PRODH2: variants seen among roughly 807,000 people sequenced by gnomAD.
PRODH2 encodes hydroxyproline dehydrogenase.
A neutral mutation model predicts 51.9 loss-of-function variants in PRODH2; 49 were observed. The ratio of observed to expected loss-of-function variants is 0.94; its 90% CI spans 0.75 to 1.20. The LOEUF is 1.20. Ranked by LOEUF, PRODH2 falls within the 50% of genes most tolerant of loss-of-function variation. The pLI, the probability that PRODH2 is intolerant of heterozygous loss-of-function variation, is 0.00. For synonymous variants in PRODH2, 249 were observed against 260.7 expected (o/e 0.96, Z 0.43); for missense variants, 597 against 610.9 (o/e 0.98, Z 0.24).
In PRODH2 at chr19:35,812,762, G is replaced by C. The variant is rs3848666; in HGVS notation, c.44C>G (p.Pro15Arg). 234,377 of 1,607,520 alleles carry C rather than the reference G, an allele frequency of 0.15. 19,207 individuals are homozygous for C. Among genetic ancestry groups the C allele is most frequent in the Non-Finnish European group, 0.17 (200,090 of 1,175,668 alleles). Reference protein sequence around the residue: ...CYVLCSQAGPPSRGWQSLSFD... With the variant: ...CYVLCSQAGPRSRGWQSLSFD... Reference sequence around the variant, plus strand: ...GCTCAGGGACTGCCAGCCCCTGGAGGGGGGACCAGCTTGGGAACAGAGCAC... The same window carrying C: ...GCTCAGGGACTGCCAGCCCCTGGAGCGGGGACCAGCTTGGGAACAGAGCAC... The change falls in exon 1 of 10, where the codon CCC (proline) becomes CGC (arginine). Residue 15 changes from proline (P) to arginine (R), a missense_variant. Transcript: ENST00000653904.
chr19:35,803,230 C>T (rs921795883), intron 7 of PRODH2, 152 bp from the exon 8 acceptor site: 3 of 446,438 alleles, frequency 6.7e-6, no homozygotes, highest in Non-Finnish European at 1.2e-5. Context: ...CTCTGAGCCA[C>T]TTTCATCTTC....
chr19:35,801,122 G>A (rs571335923), intron 9 of PRODH2, among the ~76,000 whole-genome samples: 1 of 152,026 alleles, frequency 6.6e-6, no homozygotes, highest in African/African-American at 2.4e-5. Flanking sequence ...AGCTGAGATC[G>A]TGCCACTGCA....
intron 4 of PRODH2, among the ~76,000 whole-genome samples, chr19:35,808,450 G>C (rs1972547946): frequency 6.6e-6 from 1 of 152,156 alleles, no homozygotes; most frequent in Admixed American, 6.5e-5. Flanking sequence ...TCCGCATGGT[G>C]GGGAGAATGC....
At chr19:35,811,470 A>AGGGAGGGAGGGG (rs1972609186) in intron 4 of PRODH2, among the ~76,000 whole-genome samples, 1 of 78,272 alleles carries the variant, frequency 1.3e-5, no homozygotes, top group African/African-American at 5.2e-5. Context: ...GGAGGGAGGG[A>AGGGAGGGAGGGG]GGGAGGGGAG....
At chr19:35,803,625 T>C (rs1413323531) in intron 7 of PRODH2, among the ~76,000 whole-genome samples, 2 of 152,194 alleles carry the variant, frequency 1.3e-5, no homozygotes, top group African/African-American at 4.8e-5. Flanking sequence ...ATAAGGGGGA[T>C]ATGAAGTCTT....
intron 4 of PRODH2, among the ~76,000 whole-genome samples, chr19:35,811,718 C>G (rs1972614068): frequency 6.6e-6 from 1 of 152,184 alleles, no homozygotes; most frequent in African/African-American, 2.4e-5. Flanking sequence ...GTACCTCCTT[C>G]TAATTGATAA....
At chr19:35,810,473 T>C (rs1474421215) in intron 4 of PRODH2, among the ~76,000 whole-genome samples, 2 of 151,110 alleles carry the variant, frequency 1.3e-5, no homozygotes, top group Non-Finnish European at 2.9e-5. Flanking sequence ...GGGCCGGGCA[T>C]GGTGGCTCAG....
At chr19:35,802,118 A>G (rs755281401) in intron 9 of PRODH2, 73 bp downstream of exon 9, 242 of 1,413,878 alleles carry the variant, frequency 1.7e-4, no homozygotes, top group Non-Finnish European at 2.2e-4. Context: ...CTTGGTTGGG[A>G]ATAGGAGAAG....
intron 5 of PRODH2, 70 bp downstream of exon 5, chr19:35,806,971 G>T (rs957707025): frequency 1.3e-5 from 20 of 1,544,868 alleles, no homozygotes; most frequent in Non-Finnish European, 1.4e-5. Flanking sequence ...AGCAGGAGGG[G>T]TTACCTGTGC....
In PRODH2 at chr19:35,806,486, G is replaced by C. The variant is rs1249740403; in HGVS notation, c.945C>G (p.Ala315=). The C allele has an allele frequency of 1.2e-6, 2 of 1,614,076 alleles. No homozygotes were observed. Among genetic ancestry groups the C allele is most frequent in the South Asian group, 2.2e-5 (2 of 91,080 alleles). The change falls in exon 7 of 10, where the codon GCC becomes GCG. Residue 315 remains alanine, a synonymous_variant. Transcript: ENST00000653904. ...GAYLDKERAV[A]QLHGMEDPTQ... ...TGGGGTCTTCCATCCCATGGAGCTG[G>C]GCCACCGCTCTCTCCTTGTCCAGAT...
chr19:35,808,332 T>C (rs545433494), intron 4 of PRODH2, among the ~76,000 whole-genome samples: 6 of 152,048 alleles, frequency 3.9e-5, no homozygotes, highest in Admixed American at 3.3e-4. Context: ...GAGGAACAGG[T>C]GGGGCTGAAA....
At chr19:35,807,404 G>C (rs1972531132) in intron 4 of PRODH2, among the ~76,000 whole-genome samples, 1 of 152,096 alleles carries the variant, frequency 6.6e-6, no homozygotes, top group Non-Finnish European at 1.5e-5. Context: ...CTGGGTTCAA[G>C]TGATTCTCCT....
chr19:35,802,345 AC>A, intron 8 of PRODH2, 69 bp from the exon 9 acceptor site: 1 of 1,323,368 alleles, frequency 7.6e-7, no homozygotes, highest in Non-Finnish European at 1.1e-6. Flanking sequence ...GCCACTATGC[AC>A]CCATATGGCG....
chr19:35,806,475 C>G lies in PRODH2; in HGVS notation c.956G>C (p.Gly319Ala), dbSNP rs752985233. 101 of 1,614,120 alleles carry G rather than the reference C, an allele frequency of 6.3e-5. No homozygotes were observed. Among genetic ancestry groups the G allele is most frequent in the Middle Eastern group, 1.7e-4 (1 of 6,060 alleles). Reference protein sequence around the residue: ...DKERAVAQLHGMEDPTQPDYE... With the variant: ...DKERAVAQLHAMEDPTQPDYE... ...GTCAGGCTGAGTGGGGTCTTCCATC[C>G]CATGGAGCTGGGCCACCGCTCTCTC... The change falls in exon 7 of 10, where the codon GGG becomes GCG. Residue 319 changes from glycine to alanine, a missense_variant. By Grantham distance (60) the Gly-to-Ala change is moderately conservative. Transcript: ENST00000653904.
chr19:35,807,057 A>G lies in PRODH2; in HGVS notation c.662T>C (p.Leu221Pro). Residue 221 changes from leucine (L) to proline (P), a missense_variant, in exon 5 of 10, where the codon CTG (leucine) becomes CCG (proline). By Grantham distance (98) the Leu-to-Pro change is moderately conservative. Transcript: ENST00000653904. Reference sequence around the variant, plus strand: ...AGGGGTTACCTGTGCCACCCGATGCAGGCGGCTGAGGGAGGCCCGGAGGTG... The same window carrying G: ...AGGGGTTACCTGTGCCACCCGATGCGGGCGGCTGAGGGAGGCCCGGAGGTG... The part of the protein sequence containing the change: ...NQHLRASLSR[L>P]HRVAQYARAQ... The G allele has an allele frequency of 6.4e-7, 1 of 1,552,036 alleles. No homozygotes were observed. The highest frequency in any genetic ancestry group is 8.7e-7 in the Non-Finnish European group (1 of 1,147,628).
intron 7 of PRODH2, among the ~76,000 whole-genome samples, chr19:35,803,909 C>T (rs1249063821): frequency 2.0e-5 from 3 of 151,726 alleles, no homozygotes; most frequent in African/African-American, 7.3e-5. Flanking sequence ...CCACGGGCCA[C>T]GCTATGTATT....
At chr19:35,811,311 G>T (rs1294782714) in intron 4 of PRODH2, among the ~76,000 whole-genome samples, 1 of 151,530 alleles carries the variant, frequency 6.6e-6, no homozygotes, top group African/African-American at 2.4e-5. Flanking sequence ...CCAGAACTTT[G>T]GGGGGCTGAG....
At chr19:35,803,125 G>T (rs1323059022) in intron 7 of PRODH2, 47 bp from the exon 8 acceptor site, 4 of 1,396,446 alleles carry the variant, frequency 2.9e-6, no homozygotes, top group Non-Finnish European at 3.8e-6. Flanking sequence ...CGAGGGTCAG[G>T]CCCCAGCGAC....
chr19:35,804,229 C>T (rs180829085), intron 7 of PRODH2, among the ~76,000 whole-genome samples: 5 of 152,234 alleles, frequency 3.3e-5, no homozygotes, highest in African/African-American at 1.2e-4. Flanking sequence ...ACTCTGTTGC[C>T]CAGGTTGGAG....
Sources: allele counts gnomAD v4.1 joint callset (sites outside exome capture counted in the v4.1 genomes callset), GRCh38; gene constraint gnomAD v4.1.1; transcripts MANE v1.5; gene names NCBI Gene and HGNC (gene_info 2026-07-23, HGNC 2026-07-21).